The following CNDP1 variants were observed in gnomAD, a reference collection of about 807,000 sequenced individuals.
CNDP1 encodes carnosine dipeptidase 1.
In CNDP1, 44 loss-of-function variants were observed where a neutral mutation model predicts 58.1. The ratio of observed to expected loss-of-function variants is 0.76; its 90% CI spans 0.60 to 0.97. The LOEUF (loss-of-function observed/expected upper bound fraction) is 0.97. Ranked by LOEUF, CNDP1 falls within the 50% of genes least tolerant of loss-of-function variation. The probability of loss-of-function intolerance (pLI) is 0.00; values close to 1 mark genes in which losing one functional copy is unlikely to be tolerated. For synonymous variants in CNDP1, 254 were observed against 252.6 expected (o/e 1.01, Z -0.05); for missense variants, 616 against 655.1 (o/e 0.94, Z 0.65).
At position 74,576,899 on chromosome 18, in the gene CNDP1, T is replaced by C; in HGVS notation, c.872T>C (p.Leu291Pro). Residue 291 changes from leucine to proline, a missense_variant, in exon 8 of 12, where the codon CTG (leucine) becomes CCG (proline). By Grantham distance (98) the Leu-to-Pro change is moderately conservative. Coordinates refer to ENST00000358821, the MANE Select transcript of CNDP1 (RefSeq NM_032649.6). ...GSLVDSSGHI[L>P]VPGIYDEVVP... ...CTGGTAGACTCGTCTGGTCATATCC[T>C]GGTCCCTGGAATCTATGATGAAGTG... is the stretch of plus-strand genomic sequence containing the variant. 6.2e-7 allele frequency: 1 copy of C among 1,613,338 alleles called. No individual in the cohort carries two copies. Among genetic ancestry groups the C allele is most frequent in the Non-Finnish European group, 8.5e-7 (1 of 1,179,722 alleles).
At chr18:74,579,199 C>T (rs1358865248) in intron 9 of CNDP1, among the ~76,000 whole-genome samples, 43 of 68,084 alleles carry the variant, frequency 6.3e-4, no homozygotes, top group Non-Finnish European at 3.3e-5. Context: ...CCTTCCCTTC[C>T]CTTGCCTTCC....
At chr18:74,554,976 G>A (rs534892865) in intron 1 of CNDP1, among the ~76,000 whole-genome samples, 22 of 151,966 alleles carry the variant, frequency 1.4e-4, no homozygotes, top group East Asian at 3.9e-4. Flanking sequence ...CATGATGAGC[G>A]TCCTCTCAAG....
intron 5 of CNDP1, among the ~76,000 whole-genome samples, chr18:74,563,536 G>A (rs1339728377): frequency 6.6e-6 from 1 of 152,226 alleles, no homozygotes; most frequent in African/African-American, 2.4e-5. Flanking sequence ...GGACAAGTCA[G>A]TTAATCTCTG....
chr18:74,539,432 T>C (rs1174427749), intron 1 of CNDP1, among the ~76,000 whole-genome samples: 1 of 152,214 alleles, frequency 6.6e-6, no homozygotes, highest in Non-Finnish European at 1.5e-5. Context: ...TCCCGGAGGC[T>C]TCCTCATCTC....
intron 6 of CNDP1, among the ~76,000 whole-genome samples, chr18:74,569,606 A>G (rs1055136772): frequency 6.6e-6 from 1 of 152,168 alleles, no homozygotes; most frequent in Non-Finnish European, 1.5e-5. Flanking sequence ...TAGCGTGAGC[A>G]CCGCATGGTC....
In CNDP1 at chr18:74,586,234, A is replaced by C. The variant is rs912147696; in HGVS notation, c.*1672A>C. On this transcript the variant is annotated 3_prime_UTR_variant, in exon 12 of 12. Transcript: ENST00000358821. ...GGATTCCAGTTAGTGTTTTCTTTGGAAGCAGGAGGCTTCAAGCCATCACAT... is the reference window on the plus strand; with the variant it reads ...GGATTCCAGTTAGTGTTTTCTTTGGCAGCAGGAGGCTTCAAGCCATCACAT... 3 of 152,180 alleles carry C rather than the reference A, an allele frequency of 2.0e-5. No individual in the cohort carries two copies. Among genetic ancestry groups the C allele is most frequent in the African/African-American group, 7.2e-5 (3 of 41,434 alleles). 9.4% of individuals were successfully genotyped at this position (152,180 alleles called of 1,614,324 possible). A position where few individuals can be genotyped will look rare whatever the true frequency, so the allele number is the denominator to read the frequency against.
chr18:74,580,266 G>T lies in CNDP1; in HGVS notation c.1304G>T (p.Arg435Ile), dbSNP rs1193210394. ...TATCTCGCAGCAAAAAGAGCGATCA[G>T]AACAGGTGGGACCTTAAGATCTTCT... Reference protein sequence around the residue: ...TQYLAAKRAIRTVFGTEPDMI... With the variant: ...TQYLAAKRAIITVFGTEPDMI... Residue 435 changes from arginine to isoleucine, a missense_variant, in exon 10 of 12, where the codon AGA (arginine) becomes ATA (isoleucine). Coordinates refer to ENST00000358821, the MANE Select transcript of CNDP1 (RefSeq NM_032649.6). 1 of 1,614,144 alleles carries T rather than the reference G, an allele frequency of 6.2e-7. No individual in the cohort carries two copies.
intron 7 of CNDP1, among the ~76,000 whole-genome samples, chr18:74,572,808 A>AAAAAAAAAG (rs1555710825): frequency 7.4e-6 from 1 of 135,390 alleles, no homozygotes; most frequent in African/African-American, 3.0e-5. Flanking sequence ...AAAAAAAAAA[A>AAAAAAAAAG]AAAGAAAGAA....
At chr18:74,549,983 A>G (rs1371795967) in intron 1 of CNDP1, among the ~76,000 whole-genome samples, 1 of 152,248 alleles carries the variant, frequency 6.6e-6, no homozygotes, top group Non-Finnish European at 1.5e-5. Context: ...CTCTACCTAG[A>G]TTTCAGAGAA....
In CNDP1 at chr18:74,556,475, AAG is replaced by A. The variant is rs756252056; in HGVS notation, c.153+11_153+12del. 6 of 1,614,044 alleles carry A rather than the reference AAG, an allele frequency of 3.7e-6. No individual in the cohort carries two copies. The highest frequency in any genetic ancestry group is 5.1e-6 in the Non-Finnish European group (6 of 1,179,902). ...AGGATGAATTTGTGCAGGTAGGAGA[AAG>A]AAACTACACAACTACACACAGAATG... On this transcript the variant is annotated intron_variant, in intron 2 of 11. Coordinates refer to ENST00000358821, the MANE Select transcript of CNDP1 (RefSeq NM_032649.6).
In CNDP1 at chr18:74,584,568, A is replaced by G. The variant is rs1192627360; in HGVS notation, c.*6A>G. The G allele has an allele frequency of 4.3e-6, 7 of 1,610,386 alleles. No individual in the cohort carries two copies. The highest frequency in any genetic ancestry group is 5.9e-6 in the Non-Finnish European group (7 of 1,176,614). ...AGATGGCCCAGCTCCATTAATCACA[A>G]GAACCTTCTAGTCTGATCTGATCCA... is the stretch of plus-strand genomic sequence containing the variant. On this transcript the variant is annotated 3_prime_UTR_variant, in exon 12 of 12. Transcript: ENST00000358821.
intron 1 of CNDP1, among the ~76,000 whole-genome samples, chr18:74,542,738 T>C (rs1980657385): frequency 6.6e-6 from 1 of 152,232 alleles, no homozygotes; most frequent in African/African-American, 2.4e-5. Flanking sequence ...GTTTCTGTGT[T>C]GCCCAGGCTG....
chr18:74,561,999 G>T, intron 4 of CNDP1, 48 bp from the exon 5 acceptor site: 1 of 1,498,314 alleles, frequency 6.7e-7, no homozygotes, highest in South Asian at 1.1e-5. Context: ...TAACTCACAT[G>T]GCAGAGGTGT....
chr18:74,553,490 C>T (rs1980960567), intron 1 of CNDP1, among the ~76,000 whole-genome samples: 1 of 152,100 alleles, frequency 6.6e-6, no homozygotes, highest in South Asian at 2.1e-4. Context: ...ATATCCTATT[C>T]TGCCAGCACT....
chr18:74,560,484 G>A (rs1294033201), intron 3 of CNDP1, among the ~76,000 whole-genome samples: 1 of 152,124 alleles, frequency 6.6e-6, no homozygotes, highest in African/African-American at 2.4e-5. Flanking sequence ...AAGGCGGGCG[G>A]ATTAGTTGAG....
intron 6 of CNDP1, among the ~76,000 whole-genome samples, chr18:74,570,231 T>TA (rs201675467): frequency 2.3e-5 from 2 of 85,800 alleles, no homozygotes; most frequent in African/African-American, 1.2e-4. Context: ...ATAATAATAA[T>TA]AATAAATAAT....
chr18:74,539,637 G>T (rs1414352737), intron 1 of CNDP1, among the ~76,000 whole-genome samples: 2 of 152,226 alleles, frequency 1.3e-5, no homozygotes, highest in Non-Finnish European at 2.9e-5. Context: ...GCAGCAAGTG[G>T]TTCCTGGGAT....
chr18:74,555,067 C>T (rs992066976), intron 1 of CNDP1, among the ~76,000 whole-genome samples: 4 of 152,124 alleles, frequency 2.6e-5, no homozygotes, highest in South Asian at 2.1e-4. Flanking sequence ...TTGTTCTCCC[C>T]GCAACCCCTG....
At chr18:74,583,790 T>G (rs953034132) in intron 11 of CNDP1, 82 bp downstream of exon 11, 38 of 1,352,596 alleles carry the variant, frequency 2.8e-5, no homozygotes, top group Non-Finnish European at 4.0e-5. Context: ...GAGCTCCTGT[T>G]CAATTTATGT....
Sources: gnomAD v4.1 joint callset for allele counts (sites outside exome capture counted in the v4.1 genomes callset) on GRCh38, gnomAD v4.1.1 for gene constraint, MANE v1.5 for transcripts, NCBI Gene and HGNC (gene_info 2026-07-23, HGNC 2026-07-21) for gene names.